The following AFG2A variants were observed in gnomAD, a reference collection of about 807,000 sequenced individuals.
The protein encoded by AFG2A is AAA ATPase AFG2A.
chr4:122,982,772 T>G, the AFG2A span, among the ~76,000 whole-genome samples: 1 of 152,080 alleles, frequency 6.6e-6, no homozygotes, highest in Non-Finnish European at 1.5e-5. Flanking sequence ...TGCCATGTAA[T>G]TGTTCATATT....
At chr4:122,969,551 A>G in the AFG2A span, among the ~76,000 whole-genome samples, 4 of 152,278 alleles carry the variant, frequency 2.6e-5, no homozygotes, top group South Asian at 2.1e-4. Flanking sequence ...TTTCTTGACT[A>G]TTGTTGGCAC....
chr4:122,953,722 A>G, the AFG2A span, among the ~76,000 whole-genome samples: 1 of 152,188 alleles, frequency 6.6e-6, no homozygotes, highest in Non-Finnish European at 1.5e-5. Context: ...TCCTGCCACT[A>G]CCAGGTTGTG....
At chr4:123,068,992 C>T in the AFG2A span, among the ~76,000 whole-genome samples, 1 of 152,174 alleles carries the variant, frequency 6.6e-6, no homozygotes. Flanking sequence ...AAAAGAATTA[C>T]TGAAGTGCTA....
At chr4:123,287,225 C>T in the AFG2A span, among the ~76,000 whole-genome samples, 3 of 152,162 alleles carry the variant, frequency 2.0e-5, no homozygotes, top group African/African-American at 7.2e-5. Flanking sequence ...TAACATTCCA[C>T]TTAGTTATAA....
chr4:122,961,344 G>A, the AFG2A span, among the ~76,000 whole-genome samples: 2 of 152,170 alleles, frequency 1.3e-5, no homozygotes, highest in Non-Finnish European at 2.9e-5. Context: ...CTGATATGAA[G>A]TGTTCTTGAT....
chr4:123,294,665 T>C, the AFG2A span, among the ~76,000 whole-genome samples: 1 of 152,102 alleles, frequency 6.6e-6, no homozygotes, highest in East Asian at 1.9e-4. Flanking sequence ...GGGCAGGCAG[T>C]TTTCAAATCA....
At chr4:122,936,502 C>T in the AFG2A span, among the ~76,000 whole-genome samples, 2 of 152,106 alleles carry the variant, frequency 1.3e-5, no homozygotes, top group Non-Finnish European at 2.9e-5. Flanking sequence ...TATACTAGAA[C>T]TTTGTTATGT....
the AFG2A span, among the ~76,000 whole-genome samples, chr4:122,956,634 G>T: frequency 6.6e-6 from 1 of 152,160 alleles, no homozygotes; most frequent in East Asian, 1.9e-4. Context: ...TTTTATTTAT[G>T]TATTTATTTA....
the AFG2A span, among the ~76,000 whole-genome samples, chr4:123,069,264 A>G: frequency 6.6e-6 from 1 of 152,118 alleles, no homozygotes; most frequent in African/African-American, 2.4e-5. Flanking sequence ...TCTCCATGTT[A>G]CTCTCTGCAC....
chr4:123,224,366 C>A, the AFG2A span, among the ~76,000 whole-genome samples: 1 of 152,076 alleles, frequency 6.6e-6, no homozygotes, highest in African/African-American at 2.4e-5. Context: ...CACCCTCCCC[C>A]CATCCCACAA....
chr4:123,028,110 G>A, the AFG2A span: 1 of 1,209,844 alleles, frequency 8.3e-7, no homozygotes, highest in African/African-American at 1.5e-5. Flanking sequence ...TTCTGTTAAT[G>A]ATATGTTTTT....
chr4:123,145,584 G>C, the AFG2A span, among the ~76,000 whole-genome samples: 2 of 152,108 alleles, frequency 1.3e-5, no homozygotes, highest in Non-Finnish European at 2.9e-5. Flanking sequence ...GTAGTCAGTA[G>C]TTTATATACT....
chr4:122,944,799 T>C, the AFG2A span, among the ~76,000 whole-genome samples: 1 of 152,182 alleles, frequency 6.6e-6, no homozygotes, highest in Admixed American at 6.5e-5. Flanking sequence ...GATGGTGATG[T>C]ACAGGTGGGT....
At chr4:123,031,993 T>C in the AFG2A span, among the ~76,000 whole-genome samples, 2 of 152,226 alleles carry the variant, frequency 1.3e-5, no homozygotes, top group African/African-American at 2.4e-5. Flanking sequence ...TGAAATTTCC[T>C]TTCTGCTTCT....
chr4:123,253,483 C>G, the AFG2A span, among the ~76,000 whole-genome samples: 1 of 67,034 alleles, frequency 1.5e-5, no homozygotes, highest in Non-Finnish European at 4.3e-5. Flanking sequence ...GAAACTCCAC[C>G]TCAAAAAAAA....
the AFG2A span, among the ~76,000 whole-genome samples, chr4:122,937,044 A>G: frequency 6.6e-6 from 1 of 152,106 alleles, no homozygotes; most frequent in Non-Finnish European, 1.5e-5. Context: ...CCCACCTACT[A>G]AGGAAGCTGA....
the AFG2A span, among the ~76,000 whole-genome samples, chr4:123,122,780 T>G: frequency 6.7e-6 from 1 of 150,352 alleles, no homozygotes; most frequent in South Asian, 2.1e-4. Flanking sequence ...TCTGTTTTTT[T>G]GTTTTTTTTT....
the AFG2A span, among the ~76,000 whole-genome samples, chr4:123,025,280 A>T: frequency 1.3e-5 from 2 of 152,232 alleles, no homozygotes; most frequent in Non-Finnish European, 2.9e-5. Flanking sequence ...ATCCAGAGAC[A>T]CAGCAAGTAG....
chr4:123,128,991 C>T, the AFG2A span, among the ~76,000 whole-genome samples: 2 of 150,564 alleles, frequency 1.3e-5, no homozygotes, highest in South Asian at 4.5e-4. Context: ...TCTTGAAGTT[C>T]TTGCATTGTT....
Sources: allele counts gnomAD v4.1 joint callset (sites outside exome capture counted in the v4.1 genomes callset), GRCh38; gene constraint gnomAD v4.1.1; transcripts MANE v1.5; gene names NCBI Gene and HGNC (gene_info 2026-07-23, HGNC 2026-07-21).